EYS: variants seen among roughly 807,000 people sequenced by gnomAD.
EYS encodes the protein EGF-like photoreceptor maintenance factor, also known as protein eyes shut homolog.
EYS carries 250 observed loss-of-function variants against 282.1 expected under a neutral mutation model. The observed-to-expected ratio is 0.89, with a 90% confidence interval of 0.80 to 0.98. The LOEUF is 0.98. EYS is among the 50% of genes least tolerant of loss of function. The pLI is 0.00. For synonymous variants in EYS, 1,355 were observed against 1,282.9 expected (o/e 1.06, Z -1.20); for missense variants, 4,016 against 3,709.0 (o/e 1.08, Z -2.15).
At chr6:64,138,617 G>C (rs1294432269) in intron 31 of EYS, among the ~76,000 whole-genome samples, 1 of 152,168 alleles carries the variant, frequency 6.6e-6, no homozygotes, top group Non-Finnish European at 1.5e-5. Flanking sequence ...GCATTTGGGA[G>C]AGTGCTGCTG....
intron 35 of EYS, among the ~76,000 whole-genome samples, chr6:63,882,177 T>C (rs1773149425): frequency 6.6e-6 from 1 of 152,208 alleles, no homozygotes; most frequent in Non-Finnish European, 1.5e-5. Flanking sequence ...TTACCAAAAG[T>C]ATTTTTACTG....
chr6:63,754,230 A>T (rs1308277288), intron 41 of EYS, among the ~76,000 whole-genome samples: 1 of 152,066 alleles, frequency 6.6e-6, no homozygotes, highest in Non-Finnish European at 1.5e-5. Flanking sequence ...TCTAGGGTAC[A>T]TGTGCACAAC....
chr6:65,248,122 A>G (rs1389383831), intron 12 of EYS, among the ~76,000 whole-genome samples: 2 of 152,028 alleles, frequency 1.3e-5, no homozygotes, highest in African/African-American at 4.8e-5. Flanking sequence ...TGGCTGCTCA[A>G]TTTTAACACT....
intron 5 of EYS, among the ~76,000 whole-genome samples, chr6:65,449,224 GT>G (rs570031423): frequency 2.4e-3 from 361 of 152,082 alleles, no homozygotes; most frequent in Admixed American, 5.0e-3. Context: ...TTTGCTGATG[GT>G]TATCTTGGCT....
At chr6:63,806,075 G>T in intron 37 of EYS, 115 bp downstream of exon 37, 2 of 829,182 alleles carry the variant, frequency 2.4e-6, no homozygotes, top group Non-Finnish European at 3.7e-6. Context: ...ACAGGAGGAG[G>T]CTGCATCTAG....
chr6:64,137,551 G>A lies in EYS; in HGVS notation c.6425-55549C>T, dbSNP rs75417820. 2.4e-3 allele frequency among the ~76,000 whole-genome samples: 359 copies of A among 152,080 alleles called. 2 individuals carry two copies. The highest frequency in any genetic ancestry group is 8.4e-3 in the African/African-American group (349 of 41,456). Reference sequence around the variant, plus strand: ...AACACTTAGAGGCCATAATAATAGGGTTATTATTTTGAATTGGCCTAATAT... The same window carrying A: ...AACACTTAGAGGCCATAATAATAGGATTATTATTTTGAATTGGCCTAATAT... On this transcript the variant is annotated intron_variant, in intron 31 of 42. Transcript: ENST00000503581.
At chr6:63,853,178 A>G (rs1772303916) in intron 36 of EYS, among the ~76,000 whole-genome samples, 1 of 152,214 alleles carries the variant, frequency 6.6e-6, no homozygotes, top group African/African-American at 2.4e-5. Flanking sequence ...AAATAAGAAG[A>G]GAGGAAGTCA....
intron 1 of EYS, among the ~76,000 whole-genome samples, chr6:65,694,941 A>T (rs1214907246): frequency 6.6e-6 from 1 of 152,062 alleles, no homozygotes; most frequent in Non-Finnish European, 1.5e-5. Context: ...CTAAGAGAGA[A>T]AATTCCTTAA....
intron 30 of EYS, among the ~76,000 whole-genome samples, chr6:64,281,471 A>C (rs1768308169): frequency 6.6e-6 from 1 of 152,074 alleles, no homozygotes; most frequent in African/African-American, 2.4e-5. Context: ...CAAATCTGTA[A>C]ATTTAATTAA....
At chr6:64,365,308 C>T (rs150492677) in intron 29 of EYS, among the ~76,000 whole-genome samples, 1 of 152,088 alleles carries the variant, frequency 6.6e-6, no homozygotes, top group Non-Finnish European at 1.5e-5. Context: ...ATTGGCAACA[C>T]ATGGGTGACA....
At chr6:64,472,870 T>C (rs1256177120) in intron 26 of EYS, among the ~76,000 whole-genome samples, 1 of 152,150 alleles carries the variant, frequency 6.6e-6, no homozygotes, top group Admixed American at 6.5e-5. Context: ...TTGTAAAGCA[T>C]ACCTTTGTGA....
chr6:64,473,625 T>C (rs565891994), intron 26 of EYS, among the ~76,000 whole-genome samples: 7 of 152,340 alleles, frequency 4.6e-5, no homozygotes, highest in Admixed American at 4.6e-4. Context: ...ACCGTGTGTC[T>C]ATTTCCAAAT....
At chr6:64,479,050 T>C (rs1308434542) in intron 26 of EYS, among the ~76,000 whole-genome samples, 2 of 151,954 alleles carry the variant, frequency 1.3e-5, no homozygotes, top group Non-Finnish European at 2.9e-5. Context: ...GAAATCACAA[T>C]GTTTAACATT....
intron 2 of EYS, among the ~76,000 whole-genome samples, chr6:65,586,964 T>A (rs182304556): frequency 1.7e-3 from 263 of 152,250 alleles, no homozygotes; most frequent in Middle Eastern, 6.8e-3. Flanking sequence ...CACTTAACTC[T>A]AAATACATGC....
intron 35 of EYS, among the ~76,000 whole-genome samples, chr6:63,937,340 CTTTTCTTTTTTTTTTTT>C (rs1765089994): frequency 1.3e-4 from 6 of 46,046 alleles, no homozygotes; most frequent in Non-Finnish European, 1.4e-4. Context: ...AGGCTTCTCT[CTTTTCTTTTTTTTTTTT>C]TTTTTTTTTT....
At chr6:64,021,439 A>G (rs891591109) in intron 33 of EYS, among the ~76,000 whole-genome samples, 3 of 151,834 alleles carry the variant, frequency 2.0e-5, no homozygotes, top group African/African-American at 7.3e-5. Context: ...ATGCTGGCAA[A>G]CTTCCTACAA....
At chr6:64,951,557 T>A (rs2150100057) in intron 14 of EYS, among the ~76,000 whole-genome samples, 1 of 152,100 alleles carries the variant, frequency 6.6e-6, no homozygotes, top group African/African-American at 2.4e-5. Context: ...ATTGAGATAC[T>A]GTGATTATTG....
At chr6:65,534,693 G>C (rs374340629) in intron 2 of EYS, among the ~76,000 whole-genome samples, 16 of 152,052 alleles carry the variant, frequency 1.1e-4, no homozygotes, top group African/African-American at 3.9e-4. Context: ...CTTATCTACA[G>C]CTTCTCCATG....
intron 31 of EYS, among the ~76,000 whole-genome samples, chr6:64,173,327 A>G (rs1379709515): frequency 6.6e-6 from 1 of 152,088 alleles, no homozygotes; most frequent in African/African-American, 2.4e-5. Context: ...ATAAATACAA[A>G]CTTTGTGGGA....
Sources: allele counts gnomAD v4.1 joint callset (sites outside exome capture counted in the v4.1 genomes callset), GRCh38; gene constraint gnomAD v4.1.1; transcripts MANE v1.5; gene names NCBI Gene and HGNC (gene_info 2026-07-23, HGNC 2026-07-21).